CNTN4: variants seen among roughly 807,000 people sequenced by gnomAD.
The protein encoded by CNTN4 is contactin 4.
CNTN4 carries 77 observed loss-of-function variants against 122.5 expected under a neutral mutation model. The observed-to-expected ratio is 0.63, with a 90% CI of 0.52 to 0.76. The LOEUF (loss-of-function observed/expected upper bound fraction) is 0.76, where lower values mean the gene tolerates loss of function less well. Among genes scored for constraint, CNTN4 ranks in the 30% least tolerant of loss-of-function variants. The pLI is 0.00. For synonymous variants in CNTN4, 512 were observed against 447.0 expected (o/e 1.15, Z -1.83); for missense variants, 1,256 against 1,259.1 (o/e 1.00, Z 0.04).
At chr3:2,479,883 A>G (rs1235955431) in intron 3 of CNTN4, among the ~76,000 whole-genome samples, 2 of 152,194 alleles carry the variant, frequency 1.3e-5, no homozygotes, top group African/African-American at 2.4e-5. Context: ...ATCTTAGCAA[A>G]TTGAATCAAT....
At chr3:2,218,048 G>T (rs1258729417) in intron 2 of CNTN4, among the ~76,000 whole-genome samples, 1 of 152,190 alleles carries the variant, frequency 6.6e-6, no homozygotes, top group African/African-American at 2.4e-5. Flanking sequence ...TTCACAGGAT[G>T]AGAAAAACAG....
intron 14 of CNTN4, among the ~76,000 whole-genome samples, chr3:3,013,955 T>C (rs1697483362): frequency 6.6e-6 from 1 of 151,980 alleles, no homozygotes; most frequent in African/African-American, 2.4e-5. Flanking sequence ...TTCCTACCAA[T>C]ACTGAGCTAT....
intron 12 of CNTN4, among the ~76,000 whole-genome samples, chr3:2,925,348 G>C (rs1220897109): frequency 6.6e-6 from 1 of 152,124 alleles, no homozygotes; most frequent in Non-Finnish European, 1.5e-5. Flanking sequence ...GAGGTCAAGA[G>C]CTCGAGACCA....
Position 2,239,006 on chromosome 3 carries a change from T to C in CNTN4, c.-144-100172T>C, listed in dbSNP as rs542980152. On this transcript the variant is annotated intron_variant, in intron 2 of 24. Coordinates refer to ENST00000418658, the MANE Select transcript of CNTN4 (RefSeq NM_175607.3). ...TCCCAAAGTGCTGGGATGACAGGCG[T>C]GAGCCACCGTGCCCGGCCTGGCTCT... 7 of 151,366 alleles carry C rather than the reference T, an allele frequency of 4.6e-5. No individual in the cohort carries two copies. The East Asian group carries it at 1.4e-3, about 30-fold the overall frequency. 9.4% of individuals were successfully genotyped at this position (151,366 alleles called of 1,614,324 possible).
intron 2 of CNTN4, among the ~76,000 whole-genome samples, chr3:2,144,623 C>T (rs570156836): frequency 1.3e-5 from 2 of 152,056 alleles, no homozygotes; most frequent in Admixed American, 6.5e-5. Flanking sequence ...CACGGATTAC[C>T]GAGGATATGA....
intron 4 of CNTN4, among the ~76,000 whole-genome samples, chr3:2,677,518 C>CTATG: frequency 6.9e-6 from 1 of 145,036 alleles, no homozygotes; most frequent in East Asian, 2.0e-4. Flanking sequence ...ATCTATCTAT[C>CTATG]TATCTGTAGA....
intron 3 of CNTN4, among the ~76,000 whole-genome samples, chr3:2,564,829 A>G (rs1432079900): frequency 1.3e-5 from 2 of 152,172 alleles, no homozygotes; most frequent in Non-Finnish European, 2.9e-5. Context: ...GTGGGTTTAT[A>G]CTTTAAGAAA....
chr3:2,787,394 A>T (rs766229912), intron 6 of CNTN4, among the ~76,000 whole-genome samples: 9 of 152,318 alleles, frequency 5.9e-5, no homozygotes, highest in Middle Eastern at 6.8e-3. Context: ...ATACATAAAT[A>T]AAATAAAATA....
intron 4 of CNTN4, among the ~76,000 whole-genome samples, chr3:2,722,863 A>G (rs116794281): frequency 0.025 from 3,793 of 152,314 alleles, 62 homozygotes; most frequent in Middle Eastern, 0.058. Context: ...ATACTTTAGG[A>G]CAGAATATCC....
intron 6 of CNTN4, among the ~76,000 whole-genome samples, chr3:2,803,325 A>T (rs113313852): frequency 0.019 from 2,866 of 152,298 alleles, 73 homozygotes; most frequent in African/African-American, 0.061. Context: ...AAAGATTGAA[A>T]ATTGTCCCAG....
chr3:2,785,741 T>G (rs993072276), intron 6 of CNTN4, among the ~76,000 whole-genome samples: 3 of 152,074 alleles, frequency 2.0e-5, no homozygotes, highest in Non-Finnish European at 4.4e-5. Context: ...TCTGCTGAAG[T>G]GATACGGACA....
Position 2,778,203 on chromosome 3 carries a change from G to C in CNTN4, c.358+32506G>C, listed in dbSNP as rs181321450. On this transcript the variant is annotated intron_variant, in intron 6 of 24. Coordinates refer to ENST00000418658, the MANE Select transcript of CNTN4 (RefSeq NM_175607.3). Reference sequence around the variant, plus strand: ...CACTCCAGCCTGGGCGACAGAGCGAGACTCCGTCTCAAATAAATAAATAAA... The same window carrying C: ...CACTCCAGCCTGGGCGACAGAGCGACACTCCGTCTCAAATAAATAAATAAA... Among the ~76,000 whole-genome samples the C allele has an allele frequency of 3.4e-3, 360 of 105,026 alleles. 5 individuals are homozygous for C. In the Middle Eastern group the frequency reaches 0.043, roughly 13 times the overall value. The allele number at this position is 105,026 out of a possible 152,430, so 68.9% of individuals were successfully genotyped here.
At chr3:2,257,395 T>TA (rs541953968) in intron 2 of CNTN4, among the ~76,000 whole-genome samples, 190 of 152,290 alleles carry the variant, frequency 1.2e-3, no homozygotes, top group African/African-American at 4.3e-3. Context: ...ACTTCATGAC[T>TA]AAGACACCAA....
intron 2 of CNTN4, among the ~76,000 whole-genome samples, chr3:2,193,317 TA>T (rs2037675160): frequency 6.7e-6 from 1 of 150,162 alleles, no homozygotes; most frequent in Non-Finnish European, 1.5e-5. Context: ...ACTCTTCTAT[TA>T]AAAAAATACC....
chr3:2,877,180 G>T (rs865997885), intron 8 of CNTN4, among the ~76,000 whole-genome samples: 2 of 152,208 alleles, frequency 1.3e-5, no homozygotes, highest in Admixed American at 1.3e-4. Flanking sequence ...TGCTGAAAAA[G>T]AGTAGCCTAT....
intron 2 of CNTN4, among the ~76,000 whole-genome samples, chr3:2,277,286 C>T (rs369355233): frequency 1.4e-3 from 213 of 152,176 alleles, no homozygotes; most frequent in African/African-American, 4.7e-3. Flanking sequence ...TCCTGGAAGA[C>T]GGTCAGCCAT....
chr3:2,974,329 A>G (rs554342606), intron 13 of CNTN4, among the ~76,000 whole-genome samples: 5 of 152,256 alleles, frequency 3.3e-5, no homozygotes, highest in African/African-American at 9.6e-5. Context: ...TATTGTGACT[A>G]TTGGTTATTA....
At chr3:2,925,806 T>G (rs1274955983) in intron 13 of CNTN4, 27 bp downstream of exon 13, 19 of 1,584,304 alleles carry the variant, frequency 1.2e-5, no homozygotes, top group Non-Finnish European at 1.6e-5. Flanking sequence ...TTTTCAATAT[T>G]TGGTTAACCT....
At chr3:2,977,378 A>C (rs1224529699) in intron 13 of CNTN4, among the ~76,000 whole-genome samples, 1 of 152,204 alleles carries the variant, frequency 6.6e-6, no homozygotes, top group Non-Finnish European at 1.5e-5. Flanking sequence ...CAACCAACAA[A>C]CTGGGTTAAT....
Sources: gnomAD v4.1 joint callset for allele counts (sites outside exome capture counted in the v4.1 genomes callset) on GRCh38, gnomAD v4.1.1 for gene constraint, MANE v1.5 for transcripts, NCBI Gene and HGNC (gene_info 2026-07-23, HGNC 2026-07-21) for gene names.